Variants in ANGPT1 observed in about 807,000 individuals in gnomAD.
ANGPT1 encodes the protein angiopoietin 1, also known as angiopoietin-1.
A neutral mutation model predicts 62.2 loss-of-function variants in ANGPT1; 17 were observed. The ratio of observed to expected loss-of-function variants is 0.27; its 90% CI spans 0.19 to 0.41. The LOEUF is 0.41. Ranked by LOEUF, ANGPT1 falls within the 10% of genes least tolerant of loss-of-function variation. The pLI is 1.00. For synonymous variants in ANGPT1, 199 were observed against 198.9 expected (o/e 1.00, Z 0.00); for missense variants, 478 against 594.9 (o/e 0.80, Z 2.04).
chr8:107,259,401 A>G (rs1034997498), intron 8 of ANGPT1, among the ~76,000 whole-genome samples: 2 of 152,104 alleles, frequency 1.3e-5, no homozygotes, highest in African/African-American at 4.8e-5. Context: ...AGCATCTGGA[A>G]AGTTCTAGAT....
chr8:107,358,760 A>G (rs925637473), intron 1 of ANGPT1, among the ~76,000 whole-genome samples: 1 of 152,318 alleles, frequency 6.6e-6, no homozygotes, highest in Non-Finnish European at 1.5e-5. Flanking sequence ...AACTGAAAGA[A>G]GCCTGGGCTA....
At chr8:107,324,372 A>AG (rs757650434) in intron 3 of ANGPT1, among the ~76,000 whole-genome samples, 7 of 151,990 alleles carry the variant, frequency 4.6e-5, no homozygotes, top group Non-Finnish European at 1.0e-4. Flanking sequence ...CCTTATAAAA[A>AG]GGGAAAATGT....
At chr8:107,322,384 C>T (rs535843935) in intron 3 of ANGPT1, among the ~76,000 whole-genome samples, 125 of 152,234 alleles carry the variant, frequency 8.2e-4, no homozygotes, top group Non-Finnish European at 1.5e-3. Context: ...TTCTTGGTTT[C>T]CTTGGGTGTA....
At chr8:107,261,898 G>A (rs1813500979) in intron 8 of ANGPT1, among the ~76,000 whole-genome samples, 11 of 151,208 alleles carry the variant, frequency 7.3e-5, no homozygotes, top group Admixed American at 7.2e-4. Flanking sequence ...GAAGACAAAA[G>A]ATTTATCCCA....
At chr8:107,400,284 A>G (rs754693164) in intron 1 of ANGPT1, among the ~76,000 whole-genome samples, 13 of 152,208 alleles carry the variant, frequency 8.5e-5, no homozygotes, top group South Asian at 2.1e-4. Context: ...GATGAATTCA[A>G]TAGTACTTTT....
chr8:107,451,511 G>A (rs1257325923), intron 1 of ANGPT1, among the ~76,000 whole-genome samples: 1 of 151,912 alleles, frequency 6.6e-6, no homozygotes, highest in Non-Finnish European at 1.5e-5. Context: ...TGTTGTAAAT[G>A]CTTTAGTACT....
intron 8 of ANGPT1, among the ~76,000 whole-genome samples, chr8:107,255,654 A>C (rs1391818458): frequency 6.6e-6 from 1 of 152,218 alleles, no homozygotes; most frequent in Non-Finnish European, 1.5e-5. Flanking sequence ...TACCATAATA[A>C]AGATACTAAT....
At chr8:107,288,586 T>A (rs16875996) in intron 6 of ANGPT1, among the ~76,000 whole-genome samples, 2 of 151,898 alleles carry the variant, frequency 1.3e-5, no homozygotes, top group Admixed American at 1.3e-4. Flanking sequence ...GAGCTATACA[T>A]GTAAAAGGTT....
Position 107,493,768 on chromosome 8 carries a change from C to A in ANGPT1, c.297+3494G>T, listed in dbSNP as rs755875905. Among the ~76,000 whole-genome samples the A allele has an allele frequency of 1.6e-4, 24 of 150,116 alleles. 2 individuals are homozygous for A. Among genetic ancestry groups the A allele is most frequent in the Non-Finnish European group, 2.5e-4 (17 of 67,640 alleles). ...TTGGACAAACACACATGGTCACTGG[C>A]CTCATGGAGGTCACATTCTAATGGA... On this transcript the variant is annotated intron_variant, in intron 1 of 8. Coordinates refer to ENST00000517746, the MANE Select transcript of ANGPT1 (RefSeq NM_001146.5).
intron 1 of ANGPT1, among the ~76,000 whole-genome samples, chr8:107,449,292 AGTAAC>A (rs1299979449): frequency 6.6e-6 from 1 of 151,988 alleles, no homozygotes; most frequent in Non-Finnish European, 1.5e-5. Context: ...TATGACATAA[AGTAAC>A]CTATTTAATG....
chr8:107,491,987 A>G (rs1381080787), intron 1 of ANGPT1, among the ~76,000 whole-genome samples: 7 of 152,206 alleles, frequency 4.6e-5, no homozygotes, highest in Non-Finnish European at 8.8e-5. Flanking sequence ...AGCTCTCTCA[A>G]TGGAGACAGT....
chr8:107,387,151 A>T (rs1221993011), intron 1 of ANGPT1, among the ~76,000 whole-genome samples: 1 of 152,104 alleles, frequency 6.6e-6, no homozygotes, highest in East Asian at 1.9e-4. Context: ...GGCTCCACAG[A>T]AGGGATAATT....
At chr8:107,350,135 A>G (rs558556787) in intron 1 of ANGPT1, among the ~76,000 whole-genome samples, 6 of 152,152 alleles carry the variant, frequency 3.9e-5, no homozygotes, top group Non-Finnish European at 8.8e-5. Flanking sequence ...GAAGAAAGTG[A>G]TGCTCTAGTT....
chr8:107,340,975 T>C (rs1306531635), intron 2 of ANGPT1, among the ~76,000 whole-genome samples: 1 of 152,072 alleles, frequency 6.6e-6, no homozygotes, highest in Non-Finnish European at 1.5e-5. Context: ...AGTTAGAAAA[T>C]CAGCATTTTG....
chr8:107,362,088 C>T (rs1294274141), intron 1 of ANGPT1, among the ~76,000 whole-genome samples: 1 of 152,140 alleles, frequency 6.6e-6, no homozygotes, highest in Admixed American at 6.5e-5. Flanking sequence ...CAAAGACACA[C>T]AGATACATAC....
intron 1 of ANGPT1, among the ~76,000 whole-genome samples, chr8:107,355,080 T>C (rs2130185283): frequency 6.6e-6 from 1 of 152,188 alleles, no homozygotes; most frequent in Non-Finnish European, 1.5e-5. Flanking sequence ...TTTTGTTTTT[T>C]TAGTAGAGAC....
rs1463436800 is a variant in ANGPT1, at chr8:107,264,251, T to C, written c.1306A>G (p.Met436Val). 5 of 1,613,938 alleles carry C rather than the reference T, an allele frequency of 3.1e-6. No individual in the cohort carries two copies. Among genetic ancestry groups the C allele is most frequent in the South Asian group, 2.2e-5 (2 of 91,044 alleles). Residue 436 changes from methionine (M) to valine (V), a missense_variant, in exon 8 of 9, where the codon ATG (methionine) becomes GTG (valine). By Grantham distance (21) the Met-to-Val change is conservative. Around this residue, in one of 4 missense-constraint regions of ANGPT1, gnomAD observed 19 missense variants for 72.9 expected, o/e 0.26. Transcript: ENST00000517746. ...STKDADNDNC[M>V]CKCALMLTGG... The stretch of plus-strand genomic sequence containing the variant: ...GTTAACATGAGGGCACATTTGCACA[T>C]ACAGTTGTCATTATCAGCATCTTTA...
At chr8:107,403,591 G>A (rs919086667) in intron 1 of ANGPT1, among the ~76,000 whole-genome samples, 1 of 152,058 alleles carries the variant, frequency 6.6e-6, no homozygotes, top group Non-Finnish European at 1.5e-5. Flanking sequence ...GAAAACTGAT[G>A]CACACAAAAT....
At chr8:107,450,699 G>A (rs560942278) in intron 1 of ANGPT1, among the ~76,000 whole-genome samples, 6 of 96,196 alleles carry the variant, frequency 6.2e-5, no homozygotes, top group African/African-American at 1.7e-4. Flanking sequence ...CATTCAAATG[G>A]GAATAGGTGT....
Sources: allele counts gnomAD v4.1 joint callset (sites outside exome capture counted in the v4.1 genomes callset), GRCh38; gene constraint gnomAD v4.1.1; regional missense constraint gnomAD v4.1.1; transcripts MANE v1.5; gene names NCBI Gene and HGNC (gene_info 2026-07-23, HGNC 2026-07-21).